TTK: variants seen among roughly 807,000 people sequenced by gnomAD.
TTK encodes dual specificity protein kinase TTK.
Under a neutral mutation model 117.3 loss-of-function variants are expected in TTK, and 59 were observed. The observed-to-expected ratio is 0.50, with a 90% CI of 0.41 to 0.62. TTK has a LOEUF of 0.62. Among genes scored for constraint, TTK ranks in the 20% least tolerant of loss-of-function variants. TTK has a pLI of 0.00. For synonymous variants in TTK, 302 were observed against 325.0 expected (o/e 0.93, Z 0.76); for missense variants, 921 against 989.4 (o/e 0.93, Z 0.93).
chr6:80,007,981 C>T lies in TTK; in HGVS notation c.312C>T (p.Gly104=), dbSNP rs765028862. 1.2e-6 allele frequency: 2 copies of T among 1,613,254 alleles called. No individual in the cohort carries two copies. Among genetic ancestry groups the T allele is most frequent in the South Asian group, 1.1e-5 (1 of 91,036 alleles). The part of the protein sequence containing the change: ...AIEALPPDKY[G]QNESFARIQV... ...AAGCGCTTCCCCCAGATAAATATGG[C>T]CAAAATGAGAGTTTTGCTAGAATTC... is the stretch of plus-strand genomic sequence containing the variant. The change falls in exon 3 of 22, where the codon GGC becomes GGT. Residue 104 remains glycine (G), a synonymous_variant. Coordinates refer to ENST00000369798, the MANE Select transcript of TTK (RefSeq NM_003318.5).
At chr6:80,017,215 G>A (rs892948833) in intron 10 of TTK, among the ~76,000 whole-genome samples, 3 of 152,158 alleles carry the variant, frequency 2.0e-5, no homozygotes, top group African/African-American at 7.2e-5. Context: ...CTGACCTGTT[G>A]TAAATTAGGT....
chr6:80,010,709 G>T, intron 4 of TTK, 105 bp from the exon 5 acceptor site: 1 of 1,186,782 alleles, frequency 8.4e-7, no homozygotes, highest in Non-Finnish European at 1.2e-6. Flanking sequence ...TTTTGCTTAA[G>T]TCTTTTTGAT....
Position 80,005,836 on chromosome 6 carries a change from T to G in TTK, c.-2-6T>G. The G allele has an allele frequency of 6.2e-7, 1 of 1,611,480 alleles. No homozygotes were observed. Among genetic ancestry groups the G allele is most frequent in the Non-Finnish European group, 8.5e-7 (1 of 1,179,286 alleles). ...AGGAGTTATGACTGTTCAGTTTTTT[T>G]CTTAGAAATGGAATCCGAGGATTTA... On this transcript the variant is annotated splice_region_variant and splice_polypyrimidine_tract_variant and intron_variant, in intron 1 of 21. Coordinates refer to ENST00000369798, the MANE Select transcript of TTK (RefSeq NM_003318.5).
At chr6:80,018,622 G>A (rs1232501189) in intron 10 of TTK, among the ~76,000 whole-genome samples, 7 of 109,886 alleles carry the variant, frequency 6.4e-5, no homozygotes, top group Admixed American at 2.1e-4. Context: ...GCGAGACTCC[G>A]TCTCAAAAAA....
chr6:80,040,513 GA>G (rs1768019731), intron 20 of TTK, 92 bp from the exon 21 acceptor site: 1 of 1,100,578 alleles, frequency 9.1e-7, no homozygotes. Context: ...TAAATTATAA[GA>G]ATATCACTTT....
At chr6:80,026,160 G>A (rs1443040965) in intron 11 of TTK, among the ~76,000 whole-genome samples, 1 of 152,122 alleles carries the variant, frequency 6.6e-6, no homozygotes, top group Non-Finnish European at 1.5e-5. Flanking sequence ...CTTGCCATCA[G>A]TTTGAGCAGA....
chr6:80,013,228 ATT>A, intron 8 of TTK, 49 bp from the exon 9 acceptor site: 1 of 1,394,272 alleles, frequency 7.2e-7, no homozygotes, highest in South Asian at 1.3e-5. Context: ...TACATTGAAA[ATT>A]TTTTTTTTCA....
At chr6:80,029,011 G>T (rs239582) in intron 13 of TTK, among the ~76,000 whole-genome samples, 93,872 of 151,978 alleles carry the variant, frequency 0.62, 29,431 homozygotes, top group Admixed American at 0.72. Flanking sequence ...AGTTAATATA[G>T]ACGTAACTCC....
At chr6:80,015,667 C>T (rs1230531938) in intron 10 of TTK, among the ~76,000 whole-genome samples, 1 of 152,190 alleles carries the variant, frequency 6.6e-6, no homozygotes, top group Non-Finnish European at 1.5e-5. Flanking sequence ...TCTATTGTAA[C>T]TGGTATGATT....
intron 18 of TTK, 138 bp from the exon 19 acceptor site, chr6:80,039,558 T>C (rs368523056): frequency 7.5e-6 from 4 of 531,446 alleles, no homozygotes; most frequent in Non-Finnish European, 5.7e-6. Flanking sequence ...AAAAAGATGT[T>C]TTGTCATGTT....
chr6:80,012,015 C>T (rs374476949), intron 8 of TTK, 35 bp downstream of exon 8: 117 of 1,549,358 alleles, frequency 7.6e-5, no homozygotes, highest in South Asian at 5.9e-4. Flanking sequence ...ATTTGTTGTC[C>T]GTATGGGAAG....
At chr6:80,037,932 T>C (rs765928350) in intron 17 of TTK, 35 bp from the exon 18 acceptor site, 2 of 1,353,948 alleles carry the variant, frequency 1.5e-6, no homozygotes, top group Non-Finnish European at 2.0e-6. Context: ...TTAAATATTT[T>C]CATTGATTTG....
intron 5 of TTK, 129 bp from the exon 6 acceptor site, chr6:80,011,305 T>C (rs1346271367): frequency 1.4e-5 from 8 of 574,674 alleles, no homozygotes; most frequent in Non-Finnish European, 2.1e-5. Flanking sequence ...CATCTTCATG[T>C]CTGCATATCT....
Position 80,022,456 on chromosome 6 carries a change from G to A in TTK, c.1241G>A (p.Arg414Gln), listed in dbSNP as rs778540061. ...SNHWQIPELA[R>Q]KVNTEQKHTT... The stretch of plus-strand genomic sequence containing the variant: ...CACTGGCAGATTCCGGAGTTAGCCC[G>A]AAAAGTTAATACAGAGGTAACTTTT... Residue 414 changes from arginine (R) to glutamine (Q), a missense_variant, in exon 11 of 22, where the codon CGA (arginine) becomes CAA (glutamine). Arg to Gln is a conservative substitution (Grantham distance 43). Coordinates refer to ENST00000369798, the MANE Select transcript of TTK (RefSeq NM_003318.5). 22 of 1,613,488 alleles carry A rather than the reference G, an allele frequency of 1.4e-5. No homozygotes were observed. The highest frequency in any genetic ancestry group is 5.3e-5 in the African/African-American group (4 of 74,902).
In TTK at chr6:80,040,624, G is replaced by A. The variant is rs780895297; in HGVS notation, c.2411G>A (p.Gly804Glu). 2 of 1,611,548 alleles carry A rather than the reference G, an allele frequency of 1.2e-6. No homozygotes were observed. The highest frequency in any genetic ancestry group is 3.3e-5 in the Admixed American group (2 of 59,782). ...TTTATAGTTAACCAAATGGCCAAGGGAACCACTGAAGAAATGAAATATGTT... is the reference window on the plus strand; with the variant it reads ...TTTATAGTTAACCAAATGGCCAAGGAAACCACTGAAGAAATGAAATATGTT... Reference protein sequence around the residue: ...QTHPVNQMAKGTTEEMKYVLG... With the variant: ...QTHPVNQMAKETTEEMKYVLG... The change falls in exon 21 of 22, where the codon GGA becomes GAA. Residue 804 changes from glycine to glutamate, a missense_variant. Physicochemically the swap from Gly to Glu is moderately conservative, Grantham distance 98. Coordinates refer to ENST00000369798, the MANE Select transcript of TTK (RefSeq NM_003318.5).
At position 80,039,720 on chromosome 6, in the gene TTK, T is replaced by G. The variant is rs917945629; in HGVS notation, c.2155T>G (p.Ser719Ala). 11 of 1,542,782 alleles carry G rather than the reference T, an allele frequency of 7.1e-6. No individual in the cohort carries two copies. The highest frequency in any genetic ancestry group is 9.6e-6 in the Non-Finnish European group (11 of 1,148,988). ...GATAAGCCCCAAAAGTGATGTTTGG[T>G]CCTTAGGATGTATTTTGTACTATAT... ...SKISPKSDVW[S>A]LGCILYYMTY... Residue 719 changes from serine to alanine, a missense_variant, in exon 19 of 22, where the codon TCC (serine) becomes GCC (alanine). Transcript: ENST00000369798.
rs1767758627 is a variant in TTK at position 80,031,500 on chromosome 6, T to G, written c.1555T>G (p.Ser519Ala). Residue 519 changes from serine to alanine, a missense_variant, in exon 14 of 22, where the codon TCG (serine) becomes GCG (alanine). By Grantham distance (99) the Ser-to-Ala change is moderately conservative. Transcript: ENST00000369798. ...LASSSANECI[S>A]VKGRIYSILK... ...ATCTTCTTCAGCAAATGAATGCATTTCGGTTAAAGGAAGAATTTATTCCAT... is the reference window on the plus strand; with the variant it reads ...ATCTTCTTCAGCAAATGAATGCATTGCGGTTAAAGGAAGAATTTATTCCAT... The G allele has an allele frequency of 5.3e-6, 8 of 1,522,260 alleles. No homozygotes were observed. The highest frequency in any genetic ancestry group is 6.1e-6 in the Non-Finnish European group (7 of 1,140,976). The allele number at this position is 1,522,260 out of a possible 1,614,324, so 94.3% of individuals were successfully genotyped here.
In TTK at chr6:80,010,920, G is replaced by A. The variant is rs1053416082; in HGVS notation, c.576G>A (p.Lys192=). 5.6e-6 allele frequency: 9 copies of A among 1,612,036 alleles called. No individual in the cohort carries two copies. Among genetic ancestry groups the A allele is most frequent in the Non-Finnish European group, 7.6e-6 (9 of 1,178,618 alleles). Residue 192 remains lysine, a synonymous_variant, in exon 5 of 22, where the codon AAG becomes AAA. Transcript: ENST00000369798. ...TGCGGAATTTAAACCTCCAAAAAAA[G>A]CAGCTGCTTTCAGAGGAGGAAAAGA... The part of the protein sequence containing the change: ...IALRNLNLQK[K]QLLSEEEKKN...
chr6:80,005,189 TCA>T lies in TTK; in HGVS notation c.-3+479_-3+480del, dbSNP rs1766955145. Among the ~76,000 whole-genome samples, 3 of 151,712 alleles carry T rather than the reference TCA, an allele frequency of 2.0e-5. No homozygotes were observed. The East Asian group carries it at 5.8e-4, about 29-fold the overall frequency. ...GTGACACTGAGTTGGTGTTTGAGAG[TCA>T]CAAAGATACGATTAACAATAAGACT... On this transcript the variant is annotated intron_variant, in intron 1 of 21. Coordinates refer to ENST00000369798, the MANE Select transcript of TTK (RefSeq NM_003318.5).
Sources: allele counts gnomAD v4.1 joint callset (sites outside exome capture counted in the v4.1 genomes callset), GRCh38; gene constraint gnomAD v4.1.1; transcripts MANE v1.5; gene names NCBI Gene and HGNC (gene_info 2026-07-23, HGNC 2026-07-21).